Variants in UBA7 observed in about 807,000 individuals in gnomAD.
The protein encoded by UBA7 is ubiquitin like modifier activating enzyme 7.
Under a neutral mutation model 113.0 loss-of-function variants are expected in UBA7, and 88 were observed. That is an observed-to-expected ratio of 0.78 (90% CI 0.66 to 0.93). The LOEUF (loss-of-function observed/expected upper bound fraction) is 0.93, where lower values mean the gene tolerates loss of function less well. Among genes scored for constraint, UBA7 ranks in the 40% least tolerant of loss-of-function variants. UBA7 has a pLI of 0.00. For missense variants in UBA7, 1,092 were observed against 1,266.4 expected, an observed-to-expected ratio of 0.86 and a Z score of 2.09; for synonymous variants, 459 against 513.0, an observed-to-expected ratio of 0.89 and a Z score of 1.42.
intron 19 of UBA7, 76 bp downstream of exon 19, chr3:49,808,309 CA>C: frequency 3.8e-6 from 6 of 1,594,064 alleles, no homozygotes; most frequent in Non-Finnish European, 4.3e-6. Context: ...CAAGGGGCTC[CA>C]AAACTACCTT....
chr3:49,811,039 A>T lies in UBA7; in HGVS notation c.1175T>A (p.Leu392His), dbSNP rs113117722. Residue 392 changes from leucine (L) to histidine (H), a missense_variant, in exon 10 of 24, where the codon CTC (leucine) becomes CAC (histidine). This residue lies in a region of UBA7 where 584 missense variants were observed against 714.5 expected (regional missense o/e 0.82). Coordinates refer to ENST00000333486, the MANE Select transcript of UBA7 (RefSeq NM_003335.3). ...CTCCCCATCTTCCGGAAGACAATCG[A>T]GGGCATCAAAGTAAAGCCACTGGTC... ...PLDQWLYFDA[L>H]DCLPEDGELL... 2 of 1,614,016 alleles carry T rather than the reference A, an allele frequency of 1.2e-6. No individual in the cohort carries two copies. Among genetic ancestry groups the T allele is most frequent in the Non-Finnish European group, 1.7e-6 (2 of 1,179,986 alleles).
chr3:49,810,622 C>T lies in UBA7; in HGVS notation c.1362G>A (p.Val454=), dbSNP rs2081529446. ...GCELLKVFAL[V]GLGAGNSGGL... ...CCCCGCTGTTCCCGGCCCCCAGTCC[C>T]ACTAGGGCAAAGACTTTGAGCAGCT... is the stretch of plus-strand genomic sequence containing the variant. The change falls in exon 12 of 24, where the codon GTG becomes GTA. Residue 454 remains valine, a synonymous_variant. Transcript: ENST00000333486. This position sits in a 1 kb window ranked among gnomAD's most constrained non-coding sequence, Gnocchi z 5.6. 6.2e-7 allele frequency: 1 copy of T among 1,614,146 alleles called. No homozygotes were observed. The highest frequency in any genetic ancestry group is 8.5e-7 in the Non-Finnish European group (1 of 1,180,022).
chr3:49,805,569 G>T, intron 23 of UBA7, 132 bp from the exon 24 acceptor site: 1 of 801,464 alleles, frequency 1.2e-6, no homozygotes, highest in Admixed American at 2.3e-5. Context: ...CTCAAGACAG[G>T]AAACATCTGA....
In UBA7 at chr3:49,807,728, G is replaced by A. The variant is rs2081476661; in HGVS notation, c.2715+8C>T. On this transcript the variant is annotated splice_region_variant and intron_variant, in intron 21 of 23. Transcript: ENST00000333486. The surrounding 1 kb of genome is among the most constrained non-coding windows in gnomAD (Gnocchi z 4.0). ...AGTAGGGCTAAGGGTGGGGTATCAT[G>A]GGCTCACCGTCTGGATGGCTGGGGC... 2 of 1,599,202 alleles carry A rather than the reference G, an allele frequency of 1.3e-6. No homozygotes were observed. The highest frequency in any genetic ancestry group is 2.7e-5 in the African/African-American group (2 of 74,772).
rs758795331 is a variant in UBA7 at position 49,810,305 on chromosome 3, G to A, written c.1591C>T (p.Arg531Cys). The part of the protein sequence containing the change: ...EHIYGDNFFS[R>C]VDGVAAALDS... Reference sequence around the variant, plus strand: ...AGGGCAGCAGCCACACCATCCACACGGGAGAAAAAGTTATCCCCATAGATG... The same window carrying A: ...AGGGCAGCAGCCACACCATCCACACAGGAGAAAAAGTTATCCCCATAGATG... The change falls in exon 13 of 24, where the codon CGT becomes TGT. Residue 531 changes from arginine to cysteine, a missense_variant. Physicochemically the swap from Arg to Cys is radical, Grantham distance 180. This residue lies in a region of UBA7 where 584 missense variants were observed against 714.5 expected (regional missense o/e 0.82). Coordinates refer to ENST00000333486, the MANE Select transcript of UBA7 (RefSeq NM_003335.3). This position sits in a 1 kb window ranked among gnomAD's most constrained non-coding sequence, Gnocchi z 5.6. 3.5e-5 allele frequency: 56 copies of A among 1,614,010 alleles called. No homozygotes were observed. Among genetic ancestry groups the A allele is most frequent in the Non-Finnish European group, 4.2e-5 (49 of 1,180,024 alleles).
In UBA7 at chr3:49,809,675, A is replaced by G; in HGVS notation, c.1955T>C (p.Leu652Pro). 2 of 1,614,128 alleles carry G rather than the reference A, an allele frequency of 1.2e-6. No homozygotes were observed. The highest frequency in any genetic ancestry group is 1.1e-5 in the South Asian group (1 of 91,086). Residue 652 changes from leucine to proline, a missense_variant, in exon 16 of 24, where the codon CTG becomes CCG. Physicochemically the swap from Leu to Pro is moderately conservative, Grantham distance 98. Around this residue, in one of 3 missense-constraint regions of UBA7, gnomAD observed 500 missense variants for 529.3 expected, o/e 0.94. Transcript: ENST00000333486. ...TCTCAGGACCCCAAGCACTGGCTTC[A>G]GTAAGGTGAGTGTCTGTGGCTCATC... is the stretch of plus-strand genomic sequence containing the variant. ...DMDEPQTLTLLKPVLGVLRVR... is the reference protein window; with the variant it reads ...DMDEPQTLTLPKPVLGVLRVR...
At position 49,813,879 on chromosome 3, in the gene UBA7, T is replaced by C; in HGVS notation, c.-92A>G. 1 of 1,476,848 alleles carries C rather than the reference T, an allele frequency of 6.8e-7. No individual in the cohort carries two copies. The highest frequency in any genetic ancestry group is 9.3e-7 in the Non-Finnish European group (1 of 1,071,652). The allele number at this position is 1,476,848 out of a possible 1,614,324, so 91.5% of individuals were successfully genotyped here. On this transcript the variant is annotated 5_prime_UTR_variant, in exon 1 of 24. Coordinates refer to ENST00000333486, the MANE Select transcript of UBA7 (RefSeq NM_003335.3). ...GACAGTAGGGGCCAGTGCCCTGCTG[T>C]AGCCAGTGCAAACAGGAACCAAGGC...
Position 49,810,962 on chromosome 3 carries a change from C to T in UBA7, c.1230+22G>A, listed in dbSNP as rs1197347085. The T allele has an allele frequency of 1.2e-6, 2 of 1,613,044 alleles. No individual in the cohort carries two copies. Among genetic ancestry groups the T allele is most frequent in the Admixed American group, 1.7e-5 (1 of 60,002 alleles). On this transcript the variant is annotated intron_variant, in intron 10 of 23. Transcript: ENST00000333486. The surrounding 1 kb of genome is among the most constrained non-coding windows in gnomAD (Gnocchi z 5.6). ...TAGTCCTGATTTTGGACAAGGCTTGCACCCCTATCCCAGGCTCTCACCAGG... is the reference window on the plus strand; with the variant it reads ...TAGTCCTGATTTTGGACAAGGCTTGTACCCCTATCCCAGGCTCTCACCAGG...
rs2081542234 is a variant in UBA7, at chr3:49,811,302, C to A, written c.1093G>T (p.Gly365Cys). The change falls in exon 9 of 24, where the codon GGT becomes TGT. Residue 365 changes from glycine to cysteine, a missense_variant. Around this residue, in one of 3 missense-constraint regions of UBA7, gnomAD observed 584 missense variants for 714.5 expected, o/e 0.82. Coordinates refer to ENST00000333486, the MANE Select transcript of UBA7 (RefSeq NM_003335.3). Reference protein sequence around the residue: ...GVLSPMVAMLGAVAAQEVLKA... With the variant: ...GVLSPMVAMLCAVAAQEVLKA... ...AGCACTTCCTGGGCAGCTACTGCAC[C>A]CAGCATGGCCACCATAGGGCTCAAG... 6.2e-7 allele frequency: 1 copy of A among 1,614,034 alleles called. No homozygotes were observed. The highest frequency in any genetic ancestry group is 1.3e-5 in the African/African-American group (1 of 74,920).
In UBA7 at chr3:49,813,248, C is replaced by T. The variant is rs1170556227; in HGVS notation, c.360+1G>A. On this transcript the variant is annotated splice_donor_variant, in intron 3 of 23. Coordinates refer to ENST00000333486, the MANE Select transcript of UBA7 (RefSeq NM_003335.3). LOFTEE classifies it high-confidence loss of function. ...CTTGAGGGCTGCAGGCCTGAGCTGA[C>T]CTGGAAGTCCAACAGCAGGTCCTCA... The T allele has an allele frequency of 1.2e-6, 2 of 1,613,996 alleles. No homozygotes were observed. The highest frequency in any genetic ancestry group is 2.2e-5 in the South Asian group (2 of 91,056).
In UBA7 at chr3:49,809,711, AG is replaced by A; in HGVS notation, c.1918del (p.Leu640TrpfsTer13). ...TGTCTGTGGCTCATCCATGTCTGCC[AG>A]GGAAGTGTGTGCCCTGCAGAGAGAG... ...INHHQQAHTSLADMDEPQTLT... is the reference protein window; with the variant it reads ...INHHQQAHTSXADMDEPQTLT... On this transcript the variant is annotated frameshift_variant, in exon 16 of 24. Transcript: ENST00000333486. LOFTEE classifies it high-confidence loss of function. 1 of 1,614,050 alleles carries A rather than the reference AG, an allele frequency of 6.2e-7. No individual in the cohort carries two copies. Among genetic ancestry groups the A allele is most frequent in the Non-Finnish European group, 8.5e-7 (1 of 1,180,012 alleles).
At position 49,807,549 on chromosome 3, in the gene UBA7, C is replaced by T. The variant is rs555864459; in HGVS notation, c.2715+187G>A. On this transcript the variant is annotated intron_variant, in intron 21 of 23. Coordinates refer to ENST00000333486, the MANE Select transcript of UBA7 (RefSeq NM_003335.3). This position sits in a 1 kb window ranked among gnomAD's most constrained non-coding sequence, Gnocchi z 4.0. Reference sequence around the variant, plus strand: ...GAGGATTGGGGGTGGGGATGGCTGACGGCTGCTTCCTGTGTCTGACAGGTC... The same window carrying T: ...GAGGATTGGGGGTGGGGATGGCTGATGGCTGCTTCCTGTGTCTGACAGGTC... Among the ~76,000 whole-genome samples, 2 of 152,260 alleles carry T rather than the reference C, an allele frequency of 1.3e-5. No individual in the cohort carries two copies. Among genetic ancestry groups the T allele is most frequent in the African/African-American group, 2.4e-5 (1 of 41,550 alleles).
chr3:49,810,514 C>T lies in UBA7; in HGVS notation c.1467+3G>A. ...AGGAGTGTGGAGAGGGGTCAGCACT[C>T]ACACCAACGTCCTGGGACCTGAAGA... On this transcript the variant is annotated splice_donor_region_variant and intron_variant, in intron 12 of 23. Coordinates refer to ENST00000333486, the MANE Select transcript of UBA7 (RefSeq NM_003335.3). The surrounding 1 kb of genome is among the most constrained non-coding windows in gnomAD (Gnocchi z 5.6). The T allele has an allele frequency of 6.2e-7, 1 of 1,614,036 alleles. No individual in the cohort carries two copies. The highest frequency in any genetic ancestry group is 8.5e-7 in the Non-Finnish European group (1 of 1,179,966).
rs1559430330 is a variant in UBA7, at chr3:49,805,447, G to A, written c.2910-10C>T. On this transcript the variant is annotated splice_polypyrimidine_tract_variant and intron_variant, in intron 23 of 23. Transcript: ENST00000333486. The stretch of plus-strand genomic sequence containing the variant: ...AACCAGTTCTGTCACCCTGGTAGGG[G>A]TGGGTTTAGGGGAGATTGGAGAGGT... 2 of 1,570,688 alleles carry A rather than the reference G, an allele frequency of 1.3e-6. No homozygotes were observed. The highest frequency in any genetic ancestry group is 1.7e-6 in the Non-Finnish European group (2 of 1,159,512).
chr3:49,810,197 A>G lies in UBA7; in HGVS notation c.1634-14T>C. 6.2e-7 allele frequency: 1 copy of G among 1,612,900 alleles called. No homozygotes were observed. Among genetic ancestry groups the G allele is most frequent in the Non-Finnish European group, 8.5e-7 (1 of 1,179,380 alleles). On this transcript the variant is annotated splice_polypyrimidine_tract_variant and intron_variant, in intron 13 of 23. Coordinates refer to ENST00000333486, the MANE Select transcript of UBA7 (RefSeq NM_003335.3). This position sits in a 1 kb window ranked among gnomAD's most constrained non-coding sequence, Gnocchi z 5.6. ...CCACATAGCGCCCTGGCAAGGGAGC[A>G]GTGGGTCAGAAGTGGGACTGGCACA... is the stretch of plus-strand genomic sequence containing the variant.
At position 49,811,374 on chromosome 3, in the gene UBA7, G is replaced by A; in HGVS notation, c.1021C>T (p.Leu341=). 1 of 1,613,902 alleles carries A rather than the reference G, an allele frequency of 6.2e-7. No individual in the cohort carries two copies. Among genetic ancestry groups the A allele is most frequent in the South Asian group, 1.1e-5 (1 of 90,984 alleles). The change falls in exon 9 of 24, where the codon CTG becomes TTG. Residue 341 remains leucine, a synonymous_variant. Coordinates refer to ENST00000333486, the MANE Select transcript of UBA7 (RefSeq NM_003335.3). ...RTEEEPLEEP[L]DEALVRTVAL... is the part of the protein sequence containing the mutation. ...ACTGTCCGCACTAGGGCCTCATCCA[G>A]TGGCTCTTCCAGTGGCTCTTCCTCT...
rs761411819 is a variant in UBA7, at chr3:49,808,113, C to T, written c.2431-1G>A. ...CCACATGGAAGTTGCTGTCATCATC[C>T]TGTAAGGCCCAAGTCAAAGTAGTGT... On this transcript the variant is annotated splice_acceptor_variant, in intron 19 of 23. Coordinates refer to ENST00000333486, the MANE Select transcript of UBA7 (RefSeq NM_003335.3). LOFTEE classifies it high-confidence loss of function. The T allele has an allele frequency of 1.2e-6, 2 of 1,613,716 alleles. No homozygotes were observed.
Position 49,812,293 on chromosome 3 carries a change from C to A in UBA7, c.695-87G>T, listed in dbSNP as rs2081562272. ...CCTATCTTGCATCTGTGTCCCAGAC[C>A]TTGCTGCACCTTGTAGAAGGTGGAG... On this transcript the variant is annotated intron_variant, in intron 6 of 23. Transcript: ENST00000333486. 8.1e-6 allele frequency: 13 copies of A among 1,610,510 alleles called. No individual in the cohort carries two copies. In the East Asian group the frequency reaches 1.1e-4, roughly 14 times the overall value.
Position 49,807,486 on chromosome 3 carries a change from T to C in UBA7, c.2715+250A>G, listed in dbSNP as rs1267740678. ...TGTGGGGGATGTCTGGCTCCACTAA[T>C]GAGTTAAAGCTGCAGCTCCCCCAGA... On this transcript the variant is annotated intron_variant, in intron 21 of 23. Coordinates refer to ENST00000333486, the MANE Select transcript of UBA7 (RefSeq NM_003335.3). This position sits in a 1 kb window ranked among gnomAD's most constrained non-coding sequence, Gnocchi z 4.0. Among the ~76,000 whole-genome samples, 1 of 152,108 alleles carries C rather than the reference T, an allele frequency of 6.6e-6. No homozygotes were observed. Among genetic ancestry groups the C allele is most frequent in the Non-Finnish European group, 1.5e-5 (1 of 68,008 alleles).
Sources: allele counts gnomAD v4.1 joint callset (sites outside exome capture counted in the v4.1 genomes callset), GRCh38; gene constraint gnomAD v4.1.1; regional missense constraint gnomAD v4.1.1; non-coding constraint Gnocchi (gnomAD v3.1); transcripts MANE v1.5; gene names NCBI Gene and HGNC (gene_info 2026-07-23, HGNC 2026-07-21).